Variants in EPHA4 observed in about 807,000 individuals in gnomAD.
The protein encoded by EPHA4 is EPH receptor A4.
Under a neutral mutation model 108.3 loss-of-function variants are expected in EPHA4, and 19 were observed. The observed-to-expected ratio is 0.18, with a 90% CI of 0.12 to 0.26. The LOEUF (loss-of-function observed/expected upper bound fraction) is 0.26. Among genes scored for constraint, EPHA4 ranks in the 10% least tolerant of loss-of-function variants. The pLI is 1.00. For synonymous variants in EPHA4, 449 were observed against 455.5 expected, an observed-to-expected ratio of 0.99 and a Z score of 0.18; for missense variants, 917 against 1,254.0, an observed-to-expected ratio of 0.73 and a Z score of 4.06.
intron 3 of EPHA4, among the ~76,000 whole-genome samples, chr2:221,509,572 C>T (rs1692762788): frequency 6.6e-6 from 1 of 151,972 alleles, no homozygotes; most frequent in South Asian, 2.1e-4. Context: ...TTTAAAATGG[C>T]TGTAGGGGAG....
Position 221,425,785 on chromosome 2 carries a change from G to C in EPHA4, c.*243C>G. 1 of 493,152 alleles carries C rather than the reference G, an allele frequency of 2.0e-6. No homozygotes were observed. The highest frequency in any genetic ancestry group is 3.6e-6 in the Non-Finnish European group (1 of 275,918). 30.5% of individuals were successfully genotyped at this position (493,152 alleles called of 1,614,324 possible). ...TACATGTATTTTACAGACTGGTGAT[G>C]AACAGAAAAGTACTTCTGAGAAACG... On this transcript the variant is annotated 3_prime_UTR_variant, in exon 17 of 18. Transcript: ENST00000281821.
chr2:221,436,555 A>C lies in EPHA4; in HGVS notation c.2190T>G (p.Ile730Met), dbSNP rs1690245194. 1.9e-6 allele frequency: 3 copies of C among 1,614,056 alleles called. No homozygotes were observed. Among genetic ancestry groups the C allele is most frequent in the African/African-American group, 2.7e-5 (2 of 74,920 alleles). ...VIQLVGMLRGIGSGMKYLSDM... is the reference protein window; with the variant it reads ...VIQLVGMLRGMGSGMKYLSDM... ...CAGATAAATACTTCATCCCAGACCC[A>C]ATGCCACGAAGCATGCCCACCAGCT... is the stretch of plus-strand genomic sequence containing the variant. Residue 730 changes from isoleucine to methionine, a missense_variant, in exon 13 of 18, where the codon ATT (isoleucine) becomes ATG (methionine). Ile to Met is a conservative substitution (Grantham distance 10). Coordinates refer to ENST00000281821, the MANE Select transcript of EPHA4 (RefSeq NM_004438.5).
At chr2:221,427,474 G>A (rs1266338547) in intron 15 of EPHA4, among the ~76,000 whole-genome samples, 3 of 152,188 alleles carry the variant, frequency 2.0e-5, no homozygotes, top group Non-Finnish European at 4.4e-5. Flanking sequence ...AAACTATTAA[G>A]AGAATTATAG....
intron 8 of EPHA4, among the ~76,000 whole-genome samples, chr2:221,449,316 C>G (rs1690698189): frequency 6.6e-6 from 1 of 152,216 alleles, no homozygotes; most frequent in South Asian, 2.1e-4. Context: ...AAGTTCACCA[C>G]TGGGGCAGCC....
At chr2:221,555,595 T>C (rs1212989507) in intron 3 of EPHA4, among the ~76,000 whole-genome samples, 2 of 152,142 alleles carry the variant, frequency 1.3e-5, no homozygotes, top group Non-Finnish European at 2.9e-5. Flanking sequence ...ACCCTCCAGA[T>C]CATGGAACCA....
At chr2:221,481,206 G>T (rs1020366085) in intron 5 of EPHA4, among the ~76,000 whole-genome samples, 1 of 152,166 alleles carries the variant, frequency 6.6e-6, no homozygotes, top group African/African-American at 2.4e-5. Flanking sequence ...TGATATTCAA[G>T]ATTTCATGAC....
chr2:221,554,916 TTTTAC>T (rs771689000), intron 3 of EPHA4, among the ~76,000 whole-genome samples: 1 of 152,154 alleles, frequency 6.6e-6, no homozygotes, highest in Non-Finnish European at 1.5e-5. Flanking sequence ...GAATTGTATC[TTTTAC>T]TTTACAATTT....
At chr2:221,453,153 G>A (rs770887647) in intron 8 of EPHA4, among the ~76,000 whole-genome samples, 3 of 152,180 alleles carry the variant, frequency 2.0e-5, no homozygotes, top group Non-Finnish European at 4.4e-5. Flanking sequence ...AGATGGTCAA[G>A]ACACAAGGCA....
At chr2:221,556,471 A>ATTTT (rs1225934215) in intron 3 of EPHA4, among the ~76,000 whole-genome samples, 4 of 113,760 alleles carry the variant, frequency 3.5e-5, no homozygotes, top group African/African-American at 9.7e-5. Context: ...TAATTTTTGT[A>ATTTT]TTTTTTTTTT....
chr2:221,495,121 AAAC>A (rs1231881565), intron 4 of EPHA4, among the ~76,000 whole-genome samples: 2 of 152,232 alleles, frequency 1.3e-5, no homozygotes, highest in African/African-American at 2.4e-5. Flanking sequence ...AGAAACAAAC[AAAC>A]AACAGCAAAA....
chr2:221,430,591 A>T (rs1230927539), intron 14 of EPHA4, among the ~76,000 whole-genome samples: 3 of 152,168 alleles, frequency 2.0e-5, no homozygotes, highest in African/African-American at 7.2e-5. Flanking sequence ...GCTGTCTCCA[A>T]AATGGAATTT....
rs1409366211 is a variant in EPHA4, at chr2:221,430,015, A to C, written c.2633T>G (p.Leu878Trp). ...GTTGGGGTTGCGGATGAGTTTGTCC[A>C]ACATGTTGACAATCTGCCCAAATTT... ...RPKFGQIVNM[L>W]DKLIRNPNSL... The change falls in exon 15 of 18, where the codon TTG becomes TGG. Residue 878 changes from leucine (L) to tryptophan (W), a missense_variant. Leu to Trp is a moderately conservative substitution (Grantham distance 61). Transcript: ENST00000281821. 6.2e-7 allele frequency: 1 copy of C among 1,613,878 alleles called. No homozygotes were observed. Among genetic ancestry groups the C allele is most frequent in the East Asian group, 2.2e-5 (1 of 44,870 alleles).
At chr2:221,566,854 G>GGAGAAGGAGAAGGAGAAGA (rs1694652691) in intron 2 of EPHA4, among the ~76,000 whole-genome samples, 1 of 53,266 alleles carries the variant, frequency 1.9e-5, no homozygotes, top group Non-Finnish European at 3.5e-5. Flanking sequence ...GAAGGAGAAG[G>GGAGAAGGAGAAGGAGAAGA]AGAAGAAGAA....
intron 5 of EPHA4, among the ~76,000 whole-genome samples, chr2:221,465,807 C>G (rs1691292401): frequency 6.6e-6 from 1 of 152,326 alleles, no homozygotes; most frequent in East Asian, 1.9e-4. Context: ...AAATAAATTT[C>G]TATTGCAATA....
At chr2:221,570,923 A>G (rs1422212767) in intron 1 of EPHA4, among the ~76,000 whole-genome samples, 2 of 152,082 alleles carry the variant, frequency 1.3e-5, no homozygotes, top group East Asian at 3.9e-4. Context: ...AGACGGATGG[A>G]CGGACGGATA....
In EPHA4 at chr2:221,468,434, C is replaced by T. The variant is rs62180583; in HGVS notation, c.1319-10444G>A. ...TTTTGCTGTTAACTCCACCAGGGAG[C>T]TTCAAGCATTCCAAATCTGGAAAAT... is the stretch of plus-strand genomic sequence containing the variant. On this transcript the variant is annotated intron_variant, in intron 5 of 17. Coordinates refer to ENST00000281821, the MANE Select transcript of EPHA4 (RefSeq NM_004438.5). Among the ~76,000 whole-genome samples, 606 of 152,300 alleles carry T rather than the reference C, an allele frequency of 4.0e-3. 5 individuals carry two copies. The highest frequency in any genetic ancestry group is 6.5e-3 in the Non-Finnish European group (442 of 68,022).
intron 5 of EPHA4, among the ~76,000 whole-genome samples, chr2:221,468,685 C>CAAA (rs2106127792): frequency 6.6e-6 from 1 of 152,366 alleles, no homozygotes; most frequent in Non-Finnish European, 1.5e-5. Flanking sequence ...TTTTCACACT[C>CAAA]AGATTTCTAC....
At position 221,448,164 on chromosome 2, in the gene EPHA4, C is replaced by A. The variant is rs13411252; in HGVS notation, c.1716-1983G>T. Among the ~76,000 whole-genome samples, 595 of 151,512 alleles carry A rather than the reference C, an allele frequency of 3.9e-3. 5 individuals carry two copies. The highest frequency in any genetic ancestry group is 0.014 in the African/African-American group (571 of 41,190). ...GCCAGAATCTATTATTTAATTGCAT[C>A]TTCATGACAACCCTTTGAAAGCAAC... On this transcript the variant is annotated intron_variant, in intron 8 of 17. Coordinates refer to ENST00000281821, the MANE Select transcript of EPHA4 (RefSeq NM_004438.5).
intron 3 of EPHA4, among the ~76,000 whole-genome samples, chr2:221,544,673 G>A (rs551277493): frequency 2.0e-4 from 30 of 152,244 alleles, no homozygotes; most frequent in African/African-American, 5.8e-4. Flanking sequence ...ATGAATGTGG[G>A]GGGAATGAAT....
Sources: gnomAD v4.1 joint callset for allele counts (sites outside exome capture counted in the v4.1 genomes callset) on GRCh38, gnomAD v4.1.1 for gene constraint, MANE v1.5 for transcripts, NCBI Gene and HGNC (gene_info 2026-07-23, HGNC 2026-07-21) for gene names.